DNMT3B: variants seen among roughly 807,000 people sequenced by gnomAD.
The protein encoded by DNMT3B is DNA methyltransferase 3 beta, also known as DNA (cytosine-5)-methyltransferase 3B.
Under a neutral mutation model 120.2 loss-of-function variants are expected in DNMT3B, and 37 were observed. That is an observed-to-expected ratio of 0.31 (90% CI 0.24 to 0.40). DNMT3B has a LOEUF of 0.40. Among genes scored for constraint, DNMT3B ranks in the 10% least tolerant of loss-of-function variants. The pLI is 1.00. For missense variants in DNMT3B, 878 were observed against 1,137.3 expected (o/e 0.77, Z 3.28); for synonymous variants, 412 against 442.8 (o/e 0.93, Z 0.87).
In DNMT3B at chr20:32,787,264, C is replaced by T. The variant is rs759777486; in HGVS notation, c.467C>T (p.Thr156Met). 4.4e-5 allele frequency: 71 copies of T among 1,614,096 alleles called. No individual in the cohort carries two copies. Among genetic ancestry groups the T allele is most frequent in the East Asian group, 6.7e-5 (3 of 44,894 alleles). ...LRRRATASAG[T>M]PWPSPPSSYL... ...CGGCGGGCAACAGCATCGGCAGGAACGCCATGGCCGTCCCCTCCCAGCTCT... is the reference window on the plus strand; with the variant it reads ...CGGCGGGCAACAGCATCGGCAGGAATGCCATGGCCGTCCCCTCCCAGCTCT... The change falls in exon 6 of 23, where the codon ACG becomes ATG. Residue 156 changes from threonine to methionine, a missense_variant. Coordinates refer to ENST00000328111, the MANE Select transcript of DNMT3B (RefSeq NM_006892.4).
At chr20:32,785,355 T>C (rs1341914665) in intron 4 of DNMT3B, among the ~76,000 whole-genome samples, 1 of 152,184 alleles carries the variant, frequency 6.6e-6, no homozygotes, top group Non-Finnish European at 1.5e-5. Flanking sequence ...GTTTTCTCTA[T>C]GTGCCATTTC....
Position 32,795,463 on chromosome 20 carries a change from C to G in DNMT3B, c.1181C>G (p.Pro394Arg). The change falls in exon 11 of 23, where the codon CCC (proline) becomes CGC (arginine). Residue 394 changes from proline to arginine, a missense_variant. Pro to Arg is a moderately radical substitution (Grantham distance 103). This residue lies in a region of DNMT3B where 207 missense variants were observed against 222.6 expected (regional missense o/e 0.93). Coordinates refer to ENST00000328111, the MANE Select transcript of DNMT3B (RefSeq NM_006892.4). ...ADDSATSDYCPAPKRLKTNCY... is the reference protein window; with the variant it reads ...ADDSATSDYCRAPKRLKTNCY... ...GACTCAGCCACCTCTGACTACTGCCCCGCACCCAAGCGCCTCAAGACAAAT... is the reference window on the plus strand; with the variant it reads ...GACTCAGCCACCTCTGACTACTGCCGCGCACCCAAGCGCCTCAAGACAAAT... 2 of 1,614,148 alleles carry G rather than the reference C, an allele frequency of 1.2e-6. No homozygotes were observed. The highest frequency in any genetic ancestry group is 1.7e-6 in the Non-Finnish European group (2 of 1,180,028).
intron 8 of DNMT3B, among the ~76,000 whole-genome samples, chr20:32,792,089 A>T (rs188267172): frequency 6.6e-6 from 1 of 152,192 alleles, no homozygotes; most frequent in Non-Finnish European, 1.5e-5. Context: ...CCTATGAACC[A>T]TTATACCCTG....
intron 16 of DNMT3B, among the ~76,000 whole-genome samples, chr20:32,799,718 A>G (rs555258962): frequency 1.3e-5 from 2 of 152,210 alleles, no homozygotes; most frequent in East Asian, 1.9e-4. Context: ...GGGTTTCTCC[A>G]CGTTGGTCAG....
chr20:32,772,431 AG>A (rs1987795845), intron 1 of DNMT3B, among the ~76,000 whole-genome samples: 2 of 152,176 alleles, frequency 1.3e-5, no homozygotes, highest in Non-Finnish European at 1.5e-5. Flanking sequence ...GCCAAGGTTG[AG>A]GGGGTCTCTT....
At chr20:32,773,893 G>A (rs922290485) in intron 1 of DNMT3B, among the ~76,000 whole-genome samples, 7 of 94,340 alleles carry the variant, frequency 7.4e-5, no homozygotes, top group African/African-American at 4.8e-4. Context: ...GCCTCCTAAA[G>A]TGGTGGTATT....
At chr20:32,791,940 G>A (rs1980016192) in intron 8 of DNMT3B, among the ~76,000 whole-genome samples, 1 of 152,232 alleles carries the variant, frequency 6.6e-6, no homozygotes, top group Admixed American at 6.5e-5. Context: ...GAAGGAAAGA[G>A]CACGGGCAGT....
chr20:32,775,756 G>A lies in DNMT3B; in HGVS notation c.-6-4562G>A, dbSNP rs143579847. Among the ~76,000 whole-genome samples the A allele has an allele frequency of 1.5e-3, 224 of 152,378 alleles. 1 individual carries two copies. The highest frequency in any genetic ancestry group is 5.2e-3 in the African/African-American group (216 of 41,588). On this transcript the variant is annotated intron_variant, in intron 1 of 22. Coordinates refer to ENST00000328111, the MANE Select transcript of DNMT3B (RefSeq NM_006892.4). ...TCCCTTCATCCCTGGGATGGGTGAT[G>A]CATTCATTGTTCATAACTTCTGTAA...
At position 32,776,924 on chromosome 20, in the gene DNMT3B, G is replaced by A. The variant is rs186160375; in HGVS notation, c.-6-3394G>A. Among the ~76,000 whole-genome samples the A allele has an allele frequency of 4.3e-3, 616 of 143,076 alleles. 2 individuals carry two copies. The highest frequency in any genetic ancestry group is 0.014 in the Middle Eastern group (4 of 292). 93.9% of individuals were successfully genotyped at this position (143,076 alleles called of 152,430 possible). A position where few individuals can be genotyped will look rare whatever the true frequency, so the allele number is the denominator to read the frequency against. On this transcript the variant is annotated intron_variant, in intron 1 of 22. Transcript: ENST00000328111. ...TCGAGGCTAGATTGTCTTGGCCTGCGTGTAGACTGAAGCGGGGTGGGGGAG... is the reference window on the plus strand; with the variant it reads ...TCGAGGCTAGATTGTCTTGGCCTGCATGTAGACTGAAGCGGGGTGGGGGAG...
At chr20:32,793,851 G>C (rs1172286989) in intron 10 of DNMT3B, among the ~76,000 whole-genome samples, 1 of 152,028 alleles carries the variant, frequency 6.6e-6, no homozygotes, top group African/African-American at 2.4e-5. Flanking sequence ...TGTAAGCACT[G>C]TCTGATGTCA....
At chr20:32,790,470 C>T (rs1030155673) in intron 7 of DNMT3B, among the ~76,000 whole-genome samples, 4 of 152,126 alleles carry the variant, frequency 2.6e-5, no homozygotes, top group Non-Finnish European at 5.9e-5. Context: ...AGCATGTGTA[C>T]GCTGTTTGGG....
chr20:32,799,300 C>A lies in DNMT3B; in HGVS notation c.1731C>A (p.Val577=). The change falls in exon 16 of 23, where the codon GTC becomes GTA. Residue 577 remains valine, a synonymous_variant. Coordinates refer to ENST00000328111, the MANE Select transcript of DNMT3B (RefSeq NM_006892.4). ...IPAARRRPIR[V]LSLFDGIATG... ...CAGCCCGAAGGCGGCCCATTCGAGT[C>A]CTGTCATTGTTTGATGGCATCGCGA... 1 of 1,613,550 alleles carries A rather than the reference C, an allele frequency of 6.2e-7. No homozygotes were observed. The highest frequency in any genetic ancestry group is 1.1e-5 in the South Asian group (1 of 90,876).
At chr20:32,774,219 T>C (rs941837165) in intron 1 of DNMT3B, among the ~76,000 whole-genome samples, 1 of 150,998 alleles carries the variant, frequency 6.6e-6, no homozygotes, top group Non-Finnish European at 1.5e-5. Context: ...TTTTTTTTCT[T>C]TTTTTTTTGA....
At chr20:32,784,652 C>T in intron 3 of DNMT3B, 106 bp from the exon 4 acceptor site, 2 of 1,252,174 alleles carry the variant, frequency 1.6e-6, no homozygotes, top group South Asian at 2.5e-5. Flanking sequence ...GACCCGGTCT[C>T]CCTGCCAGGC....
At chr20:32,769,381 C>T (rs184499122) in intron 1 of DNMT3B, among the ~76,000 whole-genome samples, 9 of 152,288 alleles carry the variant, frequency 5.9e-5, no homozygotes, top group South Asian at 4.1e-4. Context: ...GCCACCATGC[C>T]GGGCCCACTG....
At chr20:32,764,500 C>G (rs1255511444) in intron 1 of DNMT3B, among the ~76,000 whole-genome samples, 1 of 152,140 alleles carries the variant, frequency 6.6e-6, no homozygotes, top group Non-Finnish European at 1.5e-5. Flanking sequence ...CTCTCCTTTT[C>G]CTGCCTTCAT....
At chr20:32,764,817 G>A (rs769113465) in intron 1 of DNMT3B, among the ~76,000 whole-genome samples, 5 of 152,216 alleles carry the variant, frequency 3.3e-5, no homozygotes, top group Non-Finnish European at 7.3e-5. Context: ...GATGGGGGGA[G>A]GGGAAGACGG....
At chr20:32,782,953 A>C (rs1180522798) in intron 3 of DNMT3B, among the ~76,000 whole-genome samples, 2 of 152,062 alleles carry the variant, frequency 1.3e-5, no homozygotes, top group Non-Finnish European at 2.9e-5. Flanking sequence ...TTTTGAGATG[A>C]AGTCTGTTGC....
chr20:32,802,547 C>T, intron 20 of DNMT3B, 77 bp downstream of exon 20: 1 of 1,405,264 alleles, frequency 7.1e-7, no homozygotes, highest in Admixed American at 1.7e-5. Context: ...TCAAGCCTTC[C>T]TAGAAAGACC....
Sources: gnomAD v4.1 joint callset for allele counts (sites outside exome capture counted in the v4.1 genomes callset) on GRCh38, gnomAD v4.1.1 for gene constraint, gnomAD v4.1.1 regional missense constraint, MANE v1.5 for transcripts, NCBI Gene and HGNC (gene_info 2026-07-23, HGNC 2026-07-21) for gene names.